Variants in FAM3C observed in about 807,000 individuals in gnomAD.
FAM3C encodes the protein protein FAM3C.
Under a neutral mutation model 32.5 loss-of-function variants are expected in FAM3C, and 15 were observed. That is an observed-to-expected ratio of 0.46 (90% CI 0.31 to 0.71). The LOEUF (loss-of-function observed/expected upper bound fraction) is 0.71. Among genes scored for constraint, FAM3C ranks in the 30% least tolerant of loss-of-function variants. The pLI, the probability that FAM3C is intolerant of heterozygous loss-of-function variation, is 0.05. For missense variants in FAM3C, 175 were observed against 274.4 expected, an observed-to-expected ratio of 0.64 and a Z score of 2.56; for synonymous variants, 75 against 86.1, an observed-to-expected ratio of 0.87 and a Z score of 0.72.
In FAM3C at chr7:121,359,301, C is replaced by T. The variant is rs553095660; in HGVS notation, c.467+742G>A. On this transcript the variant is annotated intron_variant, in intron 8 of 9. Transcript: ENST00000359943. The stretch of plus-strand genomic sequence containing the variant: ...GAACTAGTCTGGGTCCAGCAATAGG[C>T]AACCCATTAAACAGGTTATAAATCA... 1.1e-4 allele frequency among the ~76,000 whole-genome samples: 16 copies of T among 152,026 alleles called. 1 individual carries two copies. The South Asian group carries it at 3.3e-3, about 32-fold the overall frequency.
chr7:121,353,230 G>A (rs1793742732), intron 8 of FAM3C, among the ~76,000 whole-genome samples: 1 of 152,154 alleles, frequency 6.6e-6, no homozygotes, highest in Non-Finnish European at 1.5e-5. Flanking sequence ...TCTTATCCAA[G>A]AATTTTGCAC....
At chr7:121,367,579 C>A (rs141932427) in intron 5 of FAM3C, among the ~76,000 whole-genome samples, 171 of 152,046 alleles carry the variant, frequency 1.1e-3, no homozygotes, top group African/African-American at 3.9e-3. Context: ...CCATTAAAAT[C>A]AAAAGTAATG....
intron 5 of FAM3C, 67 bp from the exon 6 acceptor site, chr7:121,364,255 AGTCTTGC>A: frequency 1.2e-5 from 13 of 1,078,526 alleles, no homozygotes; most frequent in Admixed American, 1.0e-4. Flanking sequence ...AGAAAAATAA[AGTCTTGC>A]AAAAAAAGTT....
At chr7:121,381,854 TA>T (rs1361576102) in intron 2 of FAM3C, among the ~76,000 whole-genome samples, 2 of 152,194 alleles carry the variant, frequency 1.3e-5, no homozygotes, top group Non-Finnish European at 2.9e-5. Context: ...AAAGCATTTG[TA>T]ACAGCCCTCA....
chr7:121,385,818 T>A (rs1227606234), intron 1 of FAM3C, among the ~76,000 whole-genome samples: 1 of 152,172 alleles, frequency 6.6e-6, no homozygotes, highest in African/African-American at 2.4e-5. Flanking sequence ...TATGAATACA[T>A]ACTTATGTCA....
chr7:121,366,678 T>C (rs1452558450), intron 5 of FAM3C, among the ~76,000 whole-genome samples: 1 of 152,132 alleles, frequency 6.6e-6, no homozygotes, highest in Non-Finnish European at 1.5e-5. Context: ...CTGTATAATA[T>C]AAATGAGCAA....
intron 8 of FAM3C, among the ~76,000 whole-genome samples, chr7:121,357,469 A>G (rs1014779396): frequency 1.3e-5 from 2 of 152,130 alleles, no homozygotes; most frequent in Non-Finnish European, 2.9e-5. Flanking sequence ...AATCACTGCA[A>G]ATGTGCCACA....
rs951574554 is a variant in FAM3C at position 121,360,244 on chromosome 7, A to C, written c.383-117T>G. 4.2e-5 allele frequency: 26 copies of C among 619,128 alleles called. No homozygotes were observed. In the African/African-American group the frequency reaches 4.4e-4, roughly 11 times the overall value. The allele number at this position is 619,128 out of a possible 1,614,324, so 38.4% of individuals were successfully genotyped here. On this transcript the variant is annotated intron_variant, in intron 7 of 9. Transcript: ENST00000359943. ...CTGTAAAGCAATAATTTCCAATGTA[A>C]AGTAATCCAAAAGACAGACAAATCT... is the stretch of plus-strand genomic sequence containing the variant.
intron 5 of FAM3C, among the ~76,000 whole-genome samples, chr7:121,365,636 TAATAA>T (rs1794009339): frequency 6.6e-6 from 1 of 151,610 alleles, no homozygotes; most frequent in Non-Finnish European, 1.5e-5. Context: ...TGAAAACAAA[TAATAA>T]AATAGACTTA....
intron 8 of FAM3C, among the ~76,000 whole-genome samples, chr7:121,353,790 T>C (rs1246216299): frequency 2.0e-5 from 3 of 152,194 alleles, no homozygotes. Flanking sequence ...CATGTCCTGT[T>C]TGACTCCACT....
intron 1 of FAM3C, among the ~76,000 whole-genome samples, chr7:121,395,377 G>A (rs2045428207): frequency 6.6e-6 from 1 of 150,908 alleles, no homozygotes; most frequent in African/African-American, 2.4e-5. Context: ...TAGAGACGAG[G>A]TTTCACCATG....
intron 3 of FAM3C, among the ~76,000 whole-genome samples, chr7:121,373,973 G>A (rs1794194809): frequency 6.7e-6 from 1 of 149,806 alleles, no homozygotes; most frequent in Non-Finnish European, 1.5e-5. Context: ...TCCAGCCTGG[G>A]CGACAGAGCA....
chr7:121,385,428 A>G, intron 1 of FAM3C, among the ~76,000 whole-genome samples: 1 of 152,200 alleles, frequency 6.6e-6, no homozygotes, highest in African/African-American at 2.4e-5. Flanking sequence ...AAGGACAGCC[A>G]CCACAATGTC....
At chr7:121,395,878 G>A (rs1794683161) in intron 1 of FAM3C, among the ~76,000 whole-genome samples, 1 of 151,832 alleles carries the variant, frequency 6.6e-6, no homozygotes, top group African/African-American at 2.4e-5. Context: ...CCGAGTGCCA[G>A]CGCCAGGTGC....
chr7:121,390,296 T>C (rs1225344068), intron 1 of FAM3C, among the ~76,000 whole-genome samples: 1 of 152,186 alleles, frequency 6.6e-6, no homozygotes, highest in Non-Finnish European at 1.5e-5. Context: ...GAAACCACCA[T>C]TGCAAAATTA....
Position 121,362,843 on chromosome 7 carries a change from GA to G in FAM3C, c.382+53del, listed in dbSNP as rs1793952701. ...TCTCATTAATGGGCTACATTGTATT[GA>G]GGTGATTAAGTCAGTGCCAGCAAAA... On this transcript the variant is annotated intron_variant, in intron 7 of 9. Transcript: ENST00000359943. 4.4e-6 allele frequency: 4 copies of G among 902,722 alleles called. No homozygotes were observed. In the South Asian group the frequency reaches 5.6e-5, roughly 13 times the overall value. The allele number at this position is 902,722 out of a possible 1,614,324, so 55.9% of individuals were successfully genotyped here.
rs1794290535 is a variant in FAM3C at position 121,378,720 on chromosome 7, T to G, written c.118+190A>C. ...TATGTTCAAAATGTTGAATAGAAGA[T>G]TCATGTTTTATACTAAATTAATTCC... On this transcript the variant is annotated intron_variant, in intron 3 of 9. Transcript: ENST00000359943. Among the ~76,000 whole-genome samples, 3 of 140,802 alleles carry G rather than the reference T, an allele frequency of 2.1e-5. No homozygotes were observed. In the South Asian group the frequency reaches 6.8e-4, roughly 32 times the overall value. The allele number at this position is 140,802 out of a possible 152,430, so 92.4% of individuals were successfully genotyped here. A position where few individuals can be genotyped will look rare whatever the true frequency, so the allele number is the denominator to read the frequency against.
intron 8 of FAM3C, among the ~76,000 whole-genome samples, chr7:121,354,539 G>A (rs979951135): frequency 1.3e-5 from 2 of 152,100 alleles, no homozygotes; most frequent in Non-Finnish European, 2.9e-5. Context: ...GAGGCACATC[G>A]GATAGTCCTA....
intron 2 of FAM3C, among the ~76,000 whole-genome samples, chr7:121,382,681 A>C (rs891130654): frequency 6.6e-6 from 1 of 151,748 alleles, no homozygotes; most frequent in Non-Finnish European, 1.5e-5. Flanking sequence ...TGCTGCTCAT[A>C]AAGTTTTAGA....
Sources: allele counts gnomAD v4.1 joint callset (sites outside exome capture counted in the v4.1 genomes callset), GRCh38; gene constraint gnomAD v4.1.1; transcripts MANE v1.5; gene names NCBI Gene and HGNC (gene_info 2026-07-23, HGNC 2026-07-21).